Variants in CCDC171 observed in about 807,000 individuals in gnomAD.
CCDC171 encodes the protein coiled-coil domain containing 171.
Under a neutral mutation model 168.2 loss-of-function variants are expected in CCDC171, and 177 were observed. That is an observed-to-expected ratio of 1.05 (90% CI 0.93 to 1.19). The LOEUF (loss-of-function observed/expected upper bound fraction) is 1.19, where lower values mean the gene tolerates loss of function less well. CCDC171 is among the 50% of genes most tolerant of loss of function. The pLI is 0.00. For synonymous variants in CCDC171, 687 were observed against 540.8 expected (o/e 1.27, Z -3.75); for missense variants, 1,991 against 1,539.0 (o/e 1.29, Z -4.91).
chr9:15,744,648 T>G lies in CCDC171; in HGVS notation c.2425T>G (p.Leu809Val). 1 of 1,614,212 alleles carries G rather than the reference T, an allele frequency of 6.2e-7. No homozygotes were observed. Among genetic ancestry groups the G allele is most frequent in the Non-Finnish European group, 8.5e-7 (1 of 1,180,032 alleles). Residue 809 changes from leucine (L) to valine (V), a missense_variant, in exon 17 of 26, where the codon TTG becomes GTG. By Grantham distance (32) the Leu-to-Val change is conservative. Coordinates refer to ENST00000380701, the MANE Select transcript of CCDC171 (RefSeq NM_173550.4). The part of the protein sequence containing the change: ...RIFRKGVIAV[L>V]AANRLKILGQ... Reference sequence around the variant, plus strand: ...ATTTCGGAAAGGTGTTATTGCTGTTTTGGCAGCAAACAGACTCAAGATTTT... The same window carrying G: ...ATTTCGGAAAGGTGTTATTGCTGTTGTGGCAGCAAACAGACTCAAGATTTT...
chr9:16,010,601 C>T (rs1383743545), intron 3 of CCDC171, among the ~76,000 whole-genome samples: 4 of 152,098 alleles, frequency 2.6e-5, no homozygotes, highest in Admixed American at 1.3e-4. Context: ...TTCCTTTCCA[C>T]GCTTCTTCAG....
chr9:15,947,373 G>T (rs1250401417), intron 25 of CCDC171, among the ~76,000 whole-genome samples: 2 of 151,806 alleles, frequency 1.3e-5, no homozygotes, highest in Non-Finnish European at 2.9e-5. Flanking sequence ...CATCTCCCTA[G>T]ATCCTGGCAA....
At chr9:15,894,212 T>G (rs1380614608) in intron 24 of CCDC171, among the ~76,000 whole-genome samples, 1 of 151,902 alleles carries the variant, frequency 6.6e-6, no homozygotes, top group African/African-American at 2.4e-5. Context: ...TACTTATAAG[T>G]GGGAACTGAA....
At chr9:15,862,639 A>G (rs1563892420) in intron 23 of CCDC171, among the ~76,000 whole-genome samples, 1 of 151,756 alleles carries the variant, frequency 6.6e-6, no homozygotes. Flanking sequence ...AGAAAAAAAA[A>G]AAGAACCTAC....
intron 1 of CCDC171, among the ~76,000 whole-genome samples, chr9:16,051,549 G>T (rs149946276): frequency 6.6e-6 from 1 of 152,284 alleles, no homozygotes; most frequent in Non-Finnish European, 1.5e-5. Context: ...GGCCAGCTTT[G>T]AGGTACGACC....
chr9:15,918,063 G>T (rs1201166033), intron 24 of CCDC171, among the ~76,000 whole-genome samples: 1 of 151,648 alleles, frequency 6.6e-6, no homozygotes, highest in African/African-American at 2.4e-5. Flanking sequence ...AAGAGAGTGA[G>T]TTTGCTTGAG....
chr9:15,572,532 T>C (rs1231639337), intron 3 of CCDC171, among the ~76,000 whole-genome samples: 4 of 152,208 alleles, frequency 2.6e-5, no homozygotes, highest in African/African-American at 9.6e-5. Context: ...TTAAGTGAAA[T>C]AAAATTTGGA....
chr9:16,041,937 C>T (rs1468470744), upstream of CCDC171, among the ~76,000 whole-genome samples: 2 of 152,124 alleles, frequency 1.3e-5, no homozygotes, highest in African/African-American at 4.8e-5. Flanking sequence ...ATTTTGGGGG[C>T]ATTTTGGAGA....
intron 3 of CCDC171, among the ~76,000 whole-genome samples, chr9:15,574,769 AT>A (rs2131145423): frequency 6.6e-6 from 1 of 152,348 alleles, no homozygotes; most frequent in East Asian, 1.9e-4. Flanking sequence ...TTGGCACAAA[AT>A]ATCTTTAAAG....
chr9:16,066,180 C>A (rs1387213800), downstream of CCDC171, among the ~76,000 whole-genome samples: 2 of 152,160 alleles, frequency 1.3e-5, no homozygotes, highest in Non-Finnish European at 2.9e-5. Flanking sequence ...CTCGGTCACT[C>A]TTCCTTGTTT....
intron 18 of CCDC171, among the ~76,000 whole-genome samples, chr9:15,771,037 A>G (rs2056985640): frequency 6.6e-6 from 1 of 152,200 alleles, no homozygotes; most frequent in Admixed American, 6.5e-5. Flanking sequence ...AATCTATATC[A>G]TTAATTGTAT....
chr9:15,883,120 C>T (rs1465180489), intron 24 of CCDC171: 1 of 397,978 alleles, frequency 2.5e-6, no homozygotes, highest in Admixed American at 2.6e-5. Context: ...TCTCAAATGC[C>T]AGGGCTCAAG....
intron 6 of CCDC171, chr9:16,023,003 TC>T (rs1833204524): frequency 1.3e-5 from 2 of 152,178 alleles, no homozygotes; most frequent in Admixed American, 1.3e-4. Flanking sequence ...ATTCAGTGTT[TC>T]CCAAGCACTA....
At chr9:15,574,528 C>G (rs2040482499) in intron 3 of CCDC171, among the ~76,000 whole-genome samples, 1 of 152,142 alleles carries the variant, frequency 6.6e-6, no homozygotes, top group South Asian at 2.1e-4. Flanking sequence ...ATCCACCTGT[C>G]TCGACCTCCC....
intron 24 of CCDC171, chr9:15,887,999 C>T (rs1329364990): frequency 1.3e-5 from 2 of 152,186 alleles, no homozygotes; most frequent in African/African-American, 4.8e-5. Context: ...AAGCATATTC[C>T]CTCAGCTCCT....
rs554535053 is a variant in CCDC171 at position 15,749,122 on chromosome 9, A to T, written c.2671+3491A>T. ...GCTCAAAATAAAGGGATGGAGGAAG[A>T]TCTACCAAGCAAATGGAAAGCAAAA... On this transcript the variant is annotated intron_variant, in intron 18 of 25. Coordinates refer to ENST00000380701, the MANE Select transcript of CCDC171 (RefSeq NM_173550.4). Among the ~76,000 whole-genome samples the T allele has an allele frequency of 3.5e-5, 5 of 144,286 alleles. No individual in the cohort carries two copies. The East Asian group carries it at 9.9e-4, about 29-fold the overall frequency. The allele number at this position is 144,286 out of a possible 152,430, so 94.7% of individuals were successfully genotyped here.
chr9:15,848,694 A>T (rs901093239), intron 22 of CCDC171, among the ~76,000 whole-genome samples, 199 bp from the exon 23 acceptor site: 1 of 151,808 alleles, frequency 6.6e-6, no homozygotes, highest in Admixed American at 6.6e-5. Flanking sequence ...ATCAGTGAAT[A>T]TGGTTAGTTT....
intron 24 of CCDC171, among the ~76,000 whole-genome samples, chr9:15,890,271 C>G (rs1300839286): frequency 6.6e-6 from 1 of 151,910 alleles, no homozygotes; most frequent in Non-Finnish European, 1.5e-5. Context: ...GATAAAAGTA[C>G]CATTGCTTGC....
At chr9:15,875,492 T>C (rs1259433768) in intron 24 of CCDC171, 3 of 151,986 alleles carry the variant, frequency 2.0e-5, no homozygotes, top group Admixed American at 2.0e-4. Context: ...CTATCAACAT[T>C]ATGTAAATTA....
Sources: allele counts gnomAD v4.1 joint callset (sites outside exome capture counted in the v4.1 genomes callset), GRCh38; gene constraint gnomAD v4.1.1; transcripts MANE v1.5; gene names NCBI Gene and HGNC (gene_info 2026-07-23, HGNC 2026-07-21).